CCDC85C: variants seen among roughly 807,000 people sequenced by gnomAD.
CCDC85C encodes coiled-coil domain-containing protein 85C.
In CCDC85C, 18 loss-of-function variants were observed where a neutral mutation model predicts 38.3. That is an observed-to-expected ratio of 0.47 (90% confidence interval 0.33 to 0.70). CCDC85C has a LOEUF of 0.70. Among genes scored for constraint, CCDC85C ranks in the 30% least tolerant of loss-of-function variants. CCDC85C has a pLI of 0.03. For missense variants in CCDC85C, 566 were observed against 621.2 expected (o/e 0.91, Z 0.94); for synonymous variants, 264 against 293.8 (o/e 0.90, Z 1.04).
chr14:99,571,345 G>A (rs79123769), intron 1 of CCDC85C, among the ~76,000 whole-genome samples: 2 of 149,916 alleles, frequency 1.3e-5, no homozygotes, highest in Admixed American at 6.6e-5. Flanking sequence ...AGTAGTAGTA[G>A]TAATAATAAT....
intron 1 of CCDC85C, among the ~76,000 whole-genome samples, chr14:99,560,143 C>T (rs1898089408): frequency 6.6e-6 from 1 of 152,162 alleles, no homozygotes; most frequent in Admixed American, 6.5e-5. Flanking sequence ...GGGAAAGGGA[C>T]CCAGGACCTT....
intron 1 of CCDC85C, chr14:99,579,884 C>A (rs1595098916): frequency 3.0e-6 from 1 of 337,390 alleles, no homozygotes; most frequent in Non-Finnish European, 5.9e-6. Flanking sequence ...AGGCTGTCTA[C>A]CAGAGGTCGC....
chr14:99,507,638 C>T lies in CCDC85C; in HGVS notation c.*7608G>A, dbSNP rs1415270363. ...TATATCTGAATATTTTCCGACCTCT[C>T]ACATCCAGAAATGCTAAACTACACA... On this transcript the variant is annotated 3_prime_UTR_variant, in exon 6 of 6. Coordinates refer to ENST00000380243, the MANE Select transcript of CCDC85C (RefSeq NM_001144995.2). 6.4e-6 allele frequency: 1 copy of T among 156,738 alleles called. No individual in the cohort carries two copies. The allele number at this position is 156,738 out of a possible 1,614,324, so 9.7% of individuals were successfully genotyped here.
chr14:99,533,809 A>G lies in CCDC85C; in HGVS notation c.867+2206T>C, dbSNP rs1288216536. Among the ~76,000 whole-genome samples, 3 of 152,184 alleles carry G rather than the reference A, an allele frequency of 2.0e-5. No individual in the cohort carries two copies. In the East Asian group the frequency reaches 5.8e-4, roughly 29 times the overall value. On this transcript the variant is annotated intron_variant, in intron 2 of 5. Transcript: ENST00000380243. The surrounding 1 kb of genome is among the most constrained non-coding windows in gnomAD (Gnocchi z 4.2). ...GCACAGGTGGGTGCAGGGCAGGTGG[A>G]CACAGGTTATGGTGGAGGGCCCCCT...
At chr14:99,573,330 C>T (rs568354575) in intron 1 of CCDC85C, among the ~76,000 whole-genome samples, 10 of 152,320 alleles carry the variant, frequency 6.6e-5, no homozygotes, top group Non-Finnish European at 1.5e-4. Flanking sequence ...AGGTGCTCAT[C>T]AGTTTCAGAA....
At chr14:99,525,974 G>A (rs552179027) in intron 2 of CCDC85C, among the ~76,000 whole-genome samples, 13 of 152,336 alleles carry the variant, frequency 8.5e-5, no homozygotes, top group African/African-American at 2.6e-4. Context: ...CGGCTCAGCC[G>A]GACAGCCAGG....
At chr14:99,529,671 C>T (rs536007383) in intron 2 of CCDC85C, among the ~76,000 whole-genome samples, 24 of 152,286 alleles carry the variant, frequency 1.6e-4, no homozygotes, top group Admixed American at 9.1e-4. Context: ...CCCAAAGTGC[C>T]GGGATTACAG....
intron 2 of CCDC85C, among the ~76,000 whole-genome samples, chr14:99,524,453 G>A (rs2139903248): frequency 6.6e-6 from 1 of 152,266 alleles, no homozygotes; most frequent in Non-Finnish European, 1.5e-5. Flanking sequence ...ATTTCCCTGG[G>A]AGGAGATGTG....
intron 1 of CCDC85C, among the ~76,000 whole-genome samples, chr14:99,602,778 C>T (rs557350434): frequency 1.6e-4 from 24 of 152,288 alleles, no homozygotes; most frequent in Admixed American, 6.5e-4. Flanking sequence ...AATTCACTTG[C>T]GCTCAAGGGG....
intron 1 of CCDC85C, among the ~76,000 whole-genome samples, chr14:99,568,030 T>C (rs1023955683): frequency 1.3e-5 from 2 of 151,772 alleles, no homozygotes; most frequent in African/African-American, 4.8e-5. Context: ...ACCCAGGAAC[T>C]GAAGCAGGTC....
chr14:99,556,727 A>G (rs1402405459), intron 1 of CCDC85C, among the ~76,000 whole-genome samples: 1 of 151,964 alleles, frequency 6.6e-6, no homozygotes, highest in East Asian at 1.9e-4. Context: ...AAGTCTCACT[A>G]TGTTGCCCAG....
At chr14:99,560,446 G>A (rs961026523) in intron 1 of CCDC85C, among the ~76,000 whole-genome samples, 1 of 152,220 alleles carries the variant, frequency 6.6e-6, no homozygotes, top group Non-Finnish European at 1.5e-5. Context: ...TGGAACCTCA[G>A]GGGAGGCAGG....
intron 2 of CCDC85C, among the ~76,000 whole-genome samples, chr14:99,527,787 C>T (rs373760177): frequency 3.9e-5 from 6 of 152,116 alleles, no homozygotes; most frequent in African/African-American, 1.4e-4. Context: ...GCCCCAGCCT[C>T]GTCTCCACTA....
intron 1 of CCDC85C, among the ~76,000 whole-genome samples, chr14:99,543,671 G>C (rs112830164): frequency 6.6e-6 from 1 of 152,174 alleles, no homozygotes; most frequent in Non-Finnish European, 1.5e-5. Flanking sequence ...AAGGCAGGGA[G>C]GTAGAGCCAC....
chr14:99,576,307 C>G lies in CCDC85C; in HGVS notation c.793+26860G>C, dbSNP rs1394758802. ...CATCTAAAATCCAGGGCCAGGGCCC[C>G]TCGAGGGTGGTCCCAAAGGTCCCCA... On this transcript the variant is annotated intron_variant, in intron 1 of 5. Coordinates refer to ENST00000380243, the MANE Select transcript of CCDC85C (RefSeq NM_001144995.2). This position sits in a 1 kb window ranked among gnomAD's most constrained non-coding sequence, Gnocchi z 4.8. Among the ~76,000 whole-genome samples, 1 of 152,240 alleles carries G rather than the reference C, an allele frequency of 6.6e-6. No individual in the cohort carries two copies. The highest frequency in any genetic ancestry group is 2.4e-5 in the African/African-American group (1 of 41,466).
chr14:99,566,147 C>A (rs1359705887), intron 1 of CCDC85C, among the ~76,000 whole-genome samples: 1 of 152,228 alleles, frequency 6.6e-6, no homozygotes, highest in Non-Finnish European at 1.5e-5. Flanking sequence ...GCTCCAGAAT[C>A]GTACTGAATG....
In CCDC85C at chr14:99,515,164, G is replaced by A. The variant is rs577159402; in HGVS notation, c.*82C>T. 170 of 976,084 alleles carry A rather than the reference G, an allele frequency of 1.7e-4. 1 individual carries two copies. The South Asian group carries it at 2.4e-3, about 14-fold the overall frequency. The allele number at this position is 976,084 out of a possible 1,614,324, so 60.5% of individuals were successfully genotyped here. A position where few individuals can be genotyped will look rare whatever the true frequency, so the allele number is the denominator to read the frequency against. ...AGAGGAAGAAGACAGGGGCTGGGCTGGAGGTCCTGCCCGTGTCTGGGGCCT... is the reference window on the plus strand; with the variant it reads ...AGAGGAAGAAGACAGGGGCTGGGCTAGAGGTCCTGCCCGTGTCTGGGGCCT... On this transcript the variant is annotated 3_prime_UTR_variant, in exon 6 of 6. Transcript: ENST00000380243.
At chr14:99,591,227 T>G (rs1168388281) in intron 1 of CCDC85C, among the ~76,000 whole-genome samples, 1 of 152,234 alleles carries the variant, frequency 6.6e-6, no homozygotes, top group Non-Finnish European at 1.5e-5. Flanking sequence ...GAGAACAAGG[T>G]GCTGGCGGCT....
At chr14:99,561,408 C>G (rs1316234272) in intron 1 of CCDC85C, among the ~76,000 whole-genome samples, 1 of 152,194 alleles carries the variant, frequency 6.6e-6, no homozygotes, top group Non-Finnish European at 1.5e-5. Flanking sequence ...TGTGGCTCAG[C>G]AGGGGTGGGG....
Sources: allele counts gnomAD v4.1 joint callset (sites outside exome capture counted in the v4.1 genomes callset), GRCh38; gene constraint gnomAD v4.1.1; non-coding constraint Gnocchi (gnomAD v3.1); transcripts MANE v1.5; gene names NCBI Gene and HGNC (gene_info 2026-07-23, HGNC 2026-07-21).